Variants in PRPF40B observed in about 807,000 individuals in gnomAD.
PRPF40B encodes pre-mRNA-processing factor 40 homolog B.
In PRPF40B, 56 loss-of-function variants were observed where a neutral mutation model predicts 124.5. The observed-to-expected ratio is 0.45, with a 90% CI of 0.36 to 0.56. The LOEUF (loss-of-function observed/expected upper bound fraction) is 0.56, where lower values mean the gene tolerates loss of function less well. Among genes scored for constraint, PRPF40B ranks in the 20% least tolerant of loss-of-function variants. The pLI is 0.00. For synonymous variants in PRPF40B, 443 were observed against 426.4 expected (o/e 1.04, Z -0.48); for missense variants, 1,053 against 1,169.5 (o/e 0.90, Z 1.45).
intron 22 of PRPF40B, 37 bp downstream of exon 22, chr12:49,643,053 G>A (rs2138661985): frequency 2.5e-6 from 4 of 1,606,082 alleles, no homozygotes; most frequent in Non-Finnish European, 3.4e-6. Flanking sequence ...GGGTGAAGCT[G>A]GGTTGTTTTG....
chr12:49,636,729 A>G lies in PRPF40B; in HGVS notation c.1440A>G (p.Glu480=). ...GCCTGTCTTTAGACATGGACAAGGA[A>G]GATGCACTGATCTGTTTTGAGGAGC... ...QDHQLQNMDK[E]DALICFEEHI... is the part of the protein sequence containing the mutation. The change falls in exon 16 of 26, where the codon GAA becomes GAG. Residue 480 remains glutamate (E), a synonymous_variant. Transcript: ENST00000548825. The G allele has an allele frequency of 6.2e-7, 1 of 1,614,182 alleles. No individual in the cohort carries two copies.
intron 16 of PRPF40B, 39 bp downstream of exon 16, chr12:49,636,888 G>A (rs535964869): frequency 6.2e-7 from 1 of 1,611,552 alleles, no homozygotes; most frequent in African/African-American, 1.3e-5. Context: ...GCTCAGCTCT[G>A]CCCTAGAGCA....
At position 49,644,628 on chromosome 12, in the gene PRPF40B, T is replaced by A. The variant is rs1943084568; in HGVS notation, c.*436T>A. 5.3e-6 allele frequency: 1 copy of A among 187,680 alleles called. No homozygotes were observed. The highest frequency in any genetic ancestry group is 1.0e-4 in the South Asian group (1 of 9,754). 11.6% of individuals were successfully genotyped at this position (187,680 alleles called of 1,614,324 possible). A position where few individuals can be genotyped will look rare whatever the true frequency, so the allele number is the denominator to read the frequency against. ...ACCCAGGACCTAATGTACGTGTGTT[T>A]TGTTTTTTGTTTTTTAAATAACAAT... On this transcript the variant is annotated 3_prime_UTR_variant, in exon 26 of 26. Transcript: ENST00000548825.
intron 1 of PRPF40B, 58 bp downstream of exon 1, chr12:49,623,651 G>A (rs1187688876): frequency 7.3e-6 from 9 of 1,228,764 alleles, no homozygotes; most frequent in African/African-American, 1.6e-5. Context: ...GCCCCCTGCG[G>A]CCCGGGCCGT....
At chr12:49,637,197 T>C (rs1037942498) in intron 16 of PRPF40B, 4 of 575,038 alleles carry the variant, frequency 7.0e-6, no homozygotes, top group Non-Finnish European at 9.3e-6. Context: ...GTGGTAGTGC[T>C]AGGGGTTACT....
At chr12:49,624,786 G>A (rs1417194503) in intron 1 of PRPF40B, among the ~76,000 whole-genome samples, 2 of 151,894 alleles carry the variant, frequency 1.3e-5, no homozygotes, top group Non-Finnish European at 2.9e-5. Context: ...CAGAGGTTGT[G>A]GTGAGCTGAG....
In PRPF40B at chr12:49,631,482, A is replaced by G. The variant is rs1488253747; in HGVS notation, c.166A>G (p.Met56Val). The change falls in exon 3 of 26, where the codon ATG becomes GTG. Residue 56 changes from methionine to valine, a missense_variant. Around this residue, in one of 2 missense-constraint regions of PRPF40B, gnomAD observed 158 missense variants for 117.3 expected, o/e 1.35. Transcript: ENST00000548825. This position sits in a 1 kb window ranked among gnomAD's most constrained non-coding sequence, Gnocchi z 4.3. The part of the protein sequence containing the change: ...MSQRPPAIPP[M>V]PPGILPPMLP... ...TCAGAGACCACCAGCTATCCCCCCCATGCCACCTGGCATCCTGCCCCCAAT... is the reference window on the plus strand; with the variant it reads ...TCAGAGACCACCAGCTATCCCCCCCGTGCCACCTGGCATCCTGCCCCCAAT... 7.6e-6 allele frequency: 11 copies of G among 1,456,814 alleles called. No individual in the cohort carries two copies. Among genetic ancestry groups the G allele is most frequent in the Admixed American group, 2.6e-5 (1 of 39,130 alleles). The allele number at this position is 1,456,814 out of a possible 1,614,324, so 90.2% of individuals were successfully genotyped here. A position where few individuals can be genotyped will look rare whatever the true frequency, so the allele number is the denominator to read the frequency against.
intron 23 of PRPF40B, 42 bp from the exon 24 acceptor site, chr12:49,643,649 C>T (rs907853435): frequency 7.5e-6 from 12 of 1,591,774 alleles, no homozygotes; most frequent in Non-Finnish European, 9.4e-6. Flanking sequence ...AAGAGCCTGT[C>T]TTTCTCCTGT....
intron 1 of PRPF40B, among the ~76,000 whole-genome samples, chr12:49,630,319 T>G (rs1941099025): frequency 6.6e-6 from 1 of 152,156 alleles, no homozygotes; most frequent in Non-Finnish European, 1.5e-5. Context: ...AAGATGACAT[T>G]CAAGGGGCTC....
rs1204530845 is a variant in PRPF40B, at chr12:49,642,310, G to A, written c.1960G>A (p.Ala654Thr). 2.5e-6 allele frequency: 4 copies of A among 1,614,186 alleles called. No individual in the cohort carries two copies. The South Asian group carries it at 4.4e-5, about 18-fold the overall frequency. The change falls in exon 20 of 26, where the codon GCC (alanine) becomes ACC (threonine). Residue 654 changes from alanine to threonine, a missense_variant. Ala to Thr is a moderately conservative substitution (Grantham distance 58). Transcript: ENST00000548825. This position sits in a 1 kb window ranked among gnomAD's most constrained non-coding sequence, Gnocchi z 5.8. ...EARRMRRREAAFRSMLRQAVP... is the reference protein window; with the variant it reads ...EARRMRRREATFRSMLRQAVP... ...ACGCAGGATGCGGCGCAGGGAAGCT[G>A]CCTTTCGAAGCATGCTGAGGCAGGC...
chr12:49,635,176 A>C lies in PRPF40B; in HGVS notation c.1079A>C (p.Glu360Ala), dbSNP rs1286158033. The C allele has an allele frequency of 4.3e-6, 7 of 1,614,126 alleles. No homozygotes were observed. Among genetic ancestry groups the C allele is most frequent in the Non-Finnish European group, 5.1e-6 (6 of 1,180,032 alleles). Reference protein sequence around the residue: ...KAQREKEEKEEARLRAKEAKQ... With the variant: ...KAQREKEEKEAARLRAKEAKQ... ...CAGCGGGAGAAGGAGGAGAAGGAGG[A>C]GGCCCGGCTAAGGGCCAAAGAGGCC... Residue 360 changes from glutamate (E) to alanine (A), a missense_variant, in exon 13 of 26, where the codon GAG becomes GCG. Physicochemically the swap from Glu to Ala is moderately radical, Grantham distance 107. Around this residue, in one of 2 missense-constraint regions of PRPF40B, gnomAD observed 895 missense variants for 1,052.2 expected, o/e 0.85. Coordinates refer to ENST00000548825, the MANE Select transcript of PRPF40B (RefSeq NM_001031698.3). The surrounding 1 kb of genome is among the most constrained non-coding windows in gnomAD (Gnocchi z 4.1).
Position 49,631,772 on chromosome 12 carries a change from A to G in PRPF40B, c.229-88A>G. The G allele has an allele frequency of 7.3e-7, 1 of 1,377,496 alleles. No homozygotes were observed. Among genetic ancestry groups the G allele is most frequent in the Non-Finnish European group, 1.0e-6 (1 of 966,064 alleles). The allele number at this position is 1,377,496 out of a possible 1,614,324, so 85.3% of individuals were successfully genotyped here. A position where few individuals can be genotyped will look rare whatever the true frequency, so the allele number is the denominator to read the frequency against. ...CCAAGTGAGGGTCATGGCTCCAGTGAGATGTCTCAGGACCCTTTGAGGTAC... is the reference window on the plus strand; with the variant it reads ...CCAAGTGAGGGTCATGGCTCCAGTGGGATGTCTCAGGACCCTTTGAGGTAC... On this transcript the variant is annotated intron_variant, in intron 3 of 25. Coordinates refer to ENST00000548825, the MANE Select transcript of PRPF40B (RefSeq NM_001031698.3). This position sits in a 1 kb window ranked among gnomAD's most constrained non-coding sequence, Gnocchi z 4.3.
rs533114278 is a variant in PRPF40B at position 49,631,435 on chromosome 12, C to T, written c.119C>T (p.Pro40Leu). 49 of 1,410,380 alleles carry T rather than the reference C, an allele frequency of 3.5e-5. No homozygotes were observed. Among genetic ancestry groups the T allele is most frequent in the East Asian group, 2.0e-4 (8 of 39,748 alleles). The allele number at this position is 1,410,380 out of a possible 1,614,324, so 87.4% of individuals were successfully genotyped here. ...PPPGIPPPFP[P>L]MGLPPMSQRP... ...CCAGGGATCCCCCCACCCTTTCCTC[C>T]GATGGGGCTACCCCCCATGAGTCAG... The change falls in exon 3 of 26, where the codon CCG (proline) becomes CTG (leucine). Residue 40 changes from proline (P) to leucine (L), a missense_variant. This residue lies in a region of PRPF40B where 158 missense variants were observed against 117.3 expected (regional missense o/e 1.35). Transcript: ENST00000548825. This position sits in a 1 kb window ranked among gnomAD's most constrained non-coding sequence, Gnocchi z 4.3.
Position 49,631,763 on chromosome 12 carries a change from G to A in PRPF40B, c.229-97G>A, listed in dbSNP as rs1291248794. ...AGGAAGTGCCCAAGTGAGGGTCATG[G>A]CTCCAGTGAGATGTCTCAGGACCCT... On this transcript the variant is annotated intron_variant, in intron 3 of 25. Coordinates refer to ENST00000548825, the MANE Select transcript of PRPF40B (RefSeq NM_001031698.3). The surrounding 1 kb of genome is among the most constrained non-coding windows in gnomAD (Gnocchi z 4.3). 2 of 1,332,164 alleles carry A rather than the reference G, an allele frequency of 1.5e-6. No homozygotes were observed. The highest frequency in any genetic ancestry group is 2.3e-5 in the East Asian group (1 of 43,526). The allele number at this position is 1,332,164 out of a possible 1,614,324, so 82.5% of individuals were successfully genotyped here.
chr12:49,633,734 T>C, intron 9 of PRPF40B, 73 bp downstream of exon 9: 1 of 1,609,966 alleles, frequency 6.2e-7, no homozygotes, highest in Non-Finnish European at 8.5e-7. Flanking sequence ...GTCGCCATGA[T>C]CTCTACACTG....
intron 6 of PRPF40B, 39 bp downstream of exon 6, chr12:49,632,919 C>G (rs746783248): frequency 6.2e-7 from 1 of 1,613,220 alleles, no homozygotes; most frequent in Non-Finnish European, 8.5e-7. Context: ...GGTAGAAAGC[C>G]TGAGAGTGGG....
Position 49,641,842 on chromosome 12 carries a change from ACTCTGCCTGC to A in PRPF40B, c.1768-64_1768-55del, listed in dbSNP as rs1014447649. ...CTTCTTGACCATCTGTAATGTGACC[ACTCTGCCTGC>A]CAGCTTTGGCCTCAGGCACGTGGTG... On this transcript the variant is annotated intron_variant, in intron 18 of 25. Coordinates refer to ENST00000548825, the MANE Select transcript of PRPF40B (RefSeq NM_001031698.3). The A allele has an allele frequency of 2.2e-6, 3 of 1,362,324 alleles. No individual in the cohort carries two copies. In the African/African-American group the frequency reaches 4.3e-5, roughly 19 times the overall value. 84.4% of individuals were successfully genotyped at this position (1,362,324 alleles called of 1,614,324 possible). A position where few individuals can be genotyped will look rare whatever the true frequency, so the allele number is the denominator to read the frequency against.
intron 15 of PRPF40B, among the ~76,000 whole-genome samples, chr12:49,636,267 A>G (rs1427058764): frequency 1.3e-5 from 2 of 152,226 alleles, no homozygotes; most frequent in Non-Finnish European, 2.9e-5. Flanking sequence ...AGAGATGTCA[A>G]TGATGATTTT....
At position 49,623,594 on chromosome 12, in the gene PRPF40B, G is replaced by A; in HGVS notation, c.3+1G>A. On this transcript the variant is annotated splice_donor_variant, in intron 1 of 25. Transcript: ENST00000548825. LOFTEE classifies it high-confidence loss of function. ...CCAGCTGCTCGGAGGCTCTGGCATG[G>A]TAACATCCCCGCGCGGGGGTGGAGG... The A allele has an allele frequency of 8.1e-7, 1 of 1,234,150 alleles. No homozygotes were observed. Among genetic ancestry groups the A allele is most frequent in the Non-Finnish European group, 1.0e-6 (1 of 988,898 alleles). The allele number at this position is 1,234,150 out of a possible 1,614,324, so 76.4% of individuals were successfully genotyped here.
Sources: allele counts gnomAD v4.1 joint callset (sites outside exome capture counted in the v4.1 genomes callset), GRCh38; gene constraint gnomAD v4.1.1; regional missense constraint gnomAD v4.1.1; non-coding constraint Gnocchi (gnomAD v3.1); transcripts MANE v1.5; gene names NCBI Gene and HGNC (gene_info 2026-07-23, HGNC 2026-07-21).